The following NLRP5 variants were observed in gnomAD, a reference collection of about 807,000 sequenced individuals.
NLRP5 encodes the protein NACHT, LRR and PYD domains-containing protein 5.
NLRP5 carries 93 observed loss-of-function variants against 113.1 expected under a neutral mutation model. That is an observed-to-expected ratio of 0.82 (90% confidence interval 0.70 to 0.98). The LOEUF is 0.98. NLRP5 is among the 50% of genes least tolerant of loss of function. The probability of loss-of-function intolerance (pLI) is 0.00; values close to 1 mark genes in which losing one functional copy is unlikely to be tolerated. For missense variants in NLRP5, 1,808 were observed against 1,514.3 expected, an observed-to-expected ratio of 1.19 and a Z score of -3.22; for synonymous variants, 751 against 600.7, an observed-to-expected ratio of 1.25 and a Z score of -3.66.
rs1982647213 is a variant in NLRP5, at chr19:56,022,365, T to C, written c.679+1934T>C. ...CTCCTAAGTAGCTGGAAATTAGGCA[T>C]ATGCTACAACATCTGGCTAATTTTC... is the stretch of plus-strand genomic sequence containing the variant. On this transcript the variant is annotated intron_variant, in intron 6 of 14. Coordinates refer to ENST00000390649, the MANE Select transcript of NLRP5 (RefSeq NM_153447.4). Among the ~76,000 whole-genome samples, 3 of 151,706 alleles carry C rather than the reference T, an allele frequency of 2.0e-5. No homozygotes were observed. The South Asian group carries it at 6.3e-4, about 32-fold the overall frequency.
Position 56,027,990 on chromosome 19 carries a change from G to A in NLRP5, c.1757G>A (p.Ser586Asn). The change falls in exon 7 of 15, where the codon AGT becomes AAT. Residue 586 changes from serine to asparagine, a missense_variant. By Grantham distance (46) the Ser-to-Asn change is conservative. Transcript: ENST00000390649. ...GAGTACTACACCTTCTTCCACCTCA[G>A]TCTCCAGGACTTCTGTGCCGCCTTG... 1 of 1,613,974 alleles carries A rather than the reference G, an allele frequency of 6.2e-7. No homozygotes were observed.
rs1377297032 is a variant in NLRP5 at position 56,038,165 on chromosome 19, G to C, written c.2756G>C (p.Arg919Thr). The change falls in exon 10 of 15, where the codon AGA becomes ACA. Residue 919 changes from arginine to threonine, a missense_variant. Physicochemically the swap from Arg to Thr is moderately conservative, Grantham distance 71. Transcript: ENST00000390649. The stretch of plus-strand genomic sequence containing the variant: ...GTAATGCCTCTCAGTGATGCCTTGA[G>C]AGTCTCCCAGTGCGCCCTGCAGAAG... 2 of 1,613,956 alleles carry C rather than the reference G, an allele frequency of 1.2e-6. No individual in the cohort carries two copies. Among genetic ancestry groups the C allele is most frequent in the Admixed American group, 1.7e-5 (1 of 60,010 alleles).
intron 7 of NLRP5, among the ~76,000 whole-genome samples, chr19:56,030,316 G>A (rs886643391): frequency 6.6e-6 from 1 of 152,030 alleles, no homozygotes; most frequent in Non-Finnish European, 1.5e-5. Flanking sequence ...GTTGCAGTGA[G>A]CCAAGATGGC....
chr19:56,040,996 C>T lies in NLRP5; in HGVS notation c.2861C>T (p.Thr954Ile). The change falls in exon 11 of 15, where the codon ACA (threonine) becomes ATA (isoleucine). Residue 954 changes from threonine (T) to isoleucine (I), a missense_variant. Physicochemically the swap from Thr to Ile is moderately conservative, Grantham distance 89. Transcript: ENST00000390649. ...GCCCTCGTCAGCAACCGGAGCTTGA[C>T]ACACCTGTGCCTATCCAACAACAGC... 6.2e-7 allele frequency: 1 copy of T among 1,613,974 alleles called. No homozygotes were observed. The highest frequency in any genetic ancestry group is 8.5e-7 in the Non-Finnish European group (1 of 1,179,870).
intron 12 of NLRP5, 84 bp downstream of exon 12, chr19:56,050,672 C>A: frequency 7.3e-7 from 1 of 1,372,118 alleles, no homozygotes; most frequent in Admixed American, 2.4e-5. Context: ...AGCAGGGAGA[C>A]CGGAACCAAA....
At position 56,027,187 on chromosome 19, in the gene NLRP5, C is replaced by T. The variant is rs750704419; in HGVS notation, c.954C>T (p.Phe318=). 9 of 1,609,306 alleles carry T rather than the reference C, an allele frequency of 5.6e-6. No individual in the cohort carries two copies. The highest frequency in any genetic ancestry group is 6.8e-6 in the Non-Finnish European group (8 of 1,177,916). Residue 318 remains phenylalanine, a synonymous_variant, in exon 7 of 15, where the codon TTC becomes TTT. Coordinates refer to ENST00000390649, the MANE Select transcript of NLRP5 (RefSeq NM_153447.4). The stretch of plus-strand genomic sequence containing the variant: ...AGGGAATGTTCTCCTACGTCTTCTT[C>T]CTCCCCGTTAGAGAGATGCAGCGGA...
At chr19:55,990,903 G>A in the NLRP5 span, among the ~76,000 whole-genome samples, 1 of 152,120 alleles carries the variant, frequency 6.6e-6, no homozygotes, top group African/African-American at 2.4e-5. Context: ...AGAATCACTT[G>A]AACCCAGGAG....
intron 4 of NLRP5, among the ~76,000 whole-genome samples, chr19:56,017,017 C>T (rs1027750922): frequency 3.9e-5 from 6 of 152,130 alleles, no homozygotes; most frequent in Non-Finnish European, 4.4e-5. Flanking sequence ...CCGTGTTAGG[C>T]AGGATGGTCT....
chr19:56,003,879 G>C lies in NLRP5; in HGVS notation c.226G>C (p.Glu76Gln), dbSNP rs758399773. The C allele has an allele frequency of 2.5e-6, 4 of 1,613,988 alleles. No individual in the cohort carries two copies. Among genetic ancestry groups the C allele is most frequent in the Non-Finnish European group, 3.4e-6 (4 of 1,179,882 alleles). The change falls in exon 2 of 15, where the codon GAA (glutamate) becomes CAA (glutamine). Residue 76 changes from glutamate (E) to glutamine (Q), a missense_variant. Transcript: ENST00000390649. Reference sequence around the variant, plus strand: ...GTGTCTCTATGAGCTAGACAAGGAAGAATTTCAGACATTCAAGGAATTACT... The same window carrying C: ...GTGTCTCTATGAGCTAGACAAGGAACAATTTCAGACATTCAAGGAATTACT...
In NLRP5 at chr19:56,004,063, C is replaced by T. The variant is rs1434743071; in HGVS notation, c.410C>T (p.Thr137Ile). 3 of 1,612,632 alleles carry T rather than the reference C, an allele frequency of 1.9e-6. No individual in the cohort carries two copies. Among genetic ancestry groups the T allele is most frequent in the Admixed American group, 3.3e-5 (2 of 59,832 alleles). ...ATCTTTGAAAACATGAACCTGCGAA[C>T]CCTCTCGGAGAAGGCACGGGATGAC... is the stretch of plus-strand genomic sequence containing the variant. The change falls in exon 2 of 15, where the codon ACC (threonine) becomes ATC (isoleucine). Residue 137 changes from threonine (T) to isoleucine (I), a missense_variant. Physicochemically the swap from Thr to Ile is moderately conservative, Grantham distance 89 (BLOSUM62 -1). Coordinates refer to ENST00000390649, the MANE Select transcript of NLRP5 (RefSeq NM_153447.4).
At position 56,061,385 on chromosome 19, in the gene NLRP5, T is replaced by C. The variant is rs756774439; in HGVS notation, c.3471-11T>C. Reference sequence around the variant, plus strand: ...ACATCTCAGTAACGAGTCCTCTCTCTGCCTCCCCAGGCTGTGGAAATGGCA... The same window carrying C: ...ACATCTCAGTAACGAGTCCTCTCTCCGCCTCCCCAGGCTGTGGAAATGGCA... On this transcript the variant is annotated splice_polypyrimidine_tract_variant and intron_variant, in intron 14 of 14. Coordinates refer to ENST00000390649, the MANE Select transcript of NLRP5 (RefSeq NM_153447.4). The C allele has an allele frequency of 8.7e-6, 14 of 1,612,534 alleles. No homozygotes were observed. The Admixed American group carries it at 1.8e-4, about 21-fold the overall frequency.
In NLRP5 at chr19:56,032,642, T is replaced by A; in HGVS notation, c.2308T>A (p.Trp770Arg). 1 of 1,613,722 alleles carries A rather than the reference T, an allele frequency of 6.2e-7. No individual in the cohort carries two copies. Residue 770 changes from tryptophan to arginine, a missense_variant, in exon 8 of 15, where the codon TGG (tryptophan) becomes AGG (arginine). By Grantham distance (101) the Trp-to-Arg change is moderately radical. Coordinates refer to ENST00000390649, the MANE Select transcript of NLRP5 (RefSeq NM_153447.4). ...GGATAAGACCCTCATTGAGGAGCAG[T>A]GGGAAGATTTCTGCTCCATGCTTGG...
intron 7 of NLRP5, among the ~76,000 whole-genome samples, chr19:56,031,292 G>A (rs1022516075): frequency 1.3e-5 from 2 of 152,028 alleles, no homozygotes; most frequent in Admixed American, 6.6e-5. Context: ...CAGGCCCCCG[G>A]CAGCCTCCAC....
chr19:56,022,367 T>C (rs1230480627), intron 6 of NLRP5, among the ~76,000 whole-genome samples: 1 of 151,494 alleles, frequency 6.6e-6, no homozygotes. Context: ...ATTAGGCATA[T>C]GCTACAACAT....
chr19:56,053,062 A>C (rs1322518319), intron 12 of NLRP5, among the ~76,000 whole-genome samples: 4 of 151,922 alleles, frequency 2.6e-5, no homozygotes, highest in Non-Finnish European at 5.9e-5. Flanking sequence ...GTGCCATTGC[A>C]CTCCAGCCTG....
intron 2 of NLRP5, among the ~76,000 whole-genome samples, chr19:56,005,014 A>C (rs1050397149): frequency 6.6e-6 from 1 of 151,086 alleles, no homozygotes; most frequent in Non-Finnish European, 1.5e-5. Flanking sequence ...GAATCACTTG[A>C]ATCCGGGAGG....
intron 9 of NLRP5, among the ~76,000 whole-genome samples, chr19:56,036,776 G>C (rs1448241835): frequency 2.6e-5 from 4 of 151,930 alleles, no homozygotes; most frequent in African/African-American, 9.7e-5. Flanking sequence ...GGCCAACATG[G>C]TGAAACCCCG....
At chr19:56,003,661 G>A in intron 1 of NLRP5, 75 bp from the exon 2 acceptor site, 1 of 1,514,426 alleles carries the variant, frequency 6.6e-7, no homozygotes. Flanking sequence ...ATCTAGTGAG[G>A]TGATTGATGT....
intron 11 of NLRP5, 43 bp downstream of exon 11, chr19:56,041,135 A>G (rs1203240367): frequency 6.3e-7 from 1 of 1,594,410 alleles, no homozygotes; most frequent in African/African-American, 1.3e-5. Context: ...CTAGCTTTCT[A>G]ACATAGCATG....
Sources: allele counts gnomAD v4.1 joint callset (sites outside exome capture counted in the v4.1 genomes callset), GRCh38; gene constraint gnomAD v4.1.1; transcripts MANE v1.5; gene names NCBI Gene and HGNC (gene_info 2026-07-23, HGNC 2026-07-21).